The following DACH2 variants were observed in gnomAD, a reference collection of about 807,000 sequenced individuals.
The protein encoded by DACH2 is dachshund homolog 2.
In DACH2, 17 loss-of-function variants were observed where a neutral mutation model predicts 35.8. The observed-to-expected ratio is 0.48, with a 90% CI of 0.33 to 0.71. DACH2 has a LOEUF of 0.71. DACH2 is among the 30% of genes least tolerant of loss of function. The pLI, the probability that DACH2 is intolerant of heterozygous loss-of-function variation, is 0.02. For synonymous variants in DACH2, 195 were observed against 177.3 expected (o/e 1.10, Z -0.79); for missense variants, 469 against 472.7 (o/e 0.99, Z 0.07).
chrX:86,527,436 G>C (rs1167497455), intron 3 of DACH2, among the ~76,000 whole-genome samples: 1 of 111,957 alleles, frequency 8.9e-6, no homozygotes, highest in Non-Finnish European at 1.9e-5. Context: ...TATATAAAGA[G>C]ATTATGTAGA....
rs1556420300 is a variant in DACH2, at chrX:86,827,419, C to G, written c.1751-4687C>G. On this transcript the variant is annotated intron_variant, in intron 11 of 11. Transcript: ENST00000373125. Reference sequence around the variant, plus strand: ...AGAACATGCACAAGGGGCTCATAAGCATATTTTAGAGTTAGGGAATATCAT... The same window carrying G: ...AGAACATGCACAAGGGGCTCATAAGGATATTTTAGAGTTAGGGAATATCAT... Among the ~76,000 whole-genome samples, 3 of 111,322 alleles carry G rather than the reference C, an allele frequency of 2.7e-5. No homozygotes were observed. The South Asian group carries it at 1.1e-3, about 41-fold the overall frequency.
At chrX:86,518,349 T>G (rs2038502456) in intron 3 of DACH2, among the ~76,000 whole-genome samples, 1 of 111,909 alleles carries the variant, frequency 8.9e-6, no homozygotes, top group African/African-American at 3.3e-5. Context: ...AGCTTTGTTC[T>G]TTTTGCTTAT....
intron 3 of DACH2, among the ~76,000 whole-genome samples, chrX:86,535,660 T>C (rs547956243): frequency 4.5e-5 from 5 of 110,374 alleles, no homozygotes; most frequent in African/African-American, 1.6e-4. Flanking sequence ...CGCCAAAGTA[T>C]TGGTGTGGTG....
chrX:86,302,474 C>A (rs1033468697), intron 1 of DACH2, among the ~76,000 whole-genome samples: 7 of 111,204 alleles, frequency 6.3e-5, no homozygotes, highest in Middle Eastern at 9.4e-3. Context: ...GTGATTTGCC[C>A]ATTCTTTTTA....
chrX:86,170,817 A>C (rs2031101918), intron 1 of DACH2, among the ~76,000 whole-genome samples: 1 of 112,466 alleles, frequency 8.9e-6, no homozygotes, highest in African/African-American at 3.2e-5. Flanking sequence ...ACATGTGCCC[A>C]AGGTGATAAG....
At chrX:86,165,441 C>T (rs368962031) in intron 1 of DACH2, among the ~76,000 whole-genome samples, 4 of 111,274 alleles carry the variant, frequency 3.6e-5, no homozygotes, top group Non-Finnish European at 5.7e-5. Flanking sequence ...TTTACATTTC[C>T]GCCAACAATG....
At chrX:86,198,107 A>C (rs1182031894) in intron 1 of DACH2, among the ~76,000 whole-genome samples, 1 of 112,138 alleles carries the variant, frequency 8.9e-6, no homozygotes, top group East Asian at 2.8e-4. Context: ...AAGACTAAGA[A>C]ATTCACTCAA....
rs760859461 is a variant in DACH2, at chrX:86,518,828, A to T, written c.640+4437A>T. Among the ~76,000 whole-genome samples the T allele has an allele frequency of 2.1e-4, 24 of 112,198 alleles. No individual in the cohort carries two copies. In the South Asian group the frequency reaches 2.2e-3, roughly 10 times the overall value. On this transcript the variant is annotated intron_variant, in intron 3 of 11. Coordinates refer to ENST00000373125, the MANE Select transcript of DACH2 (RefSeq NM_053281.3). ...AATGGAGTTTTCTAGATACAAAATC[A>T]TGTCACCTGCAAATGGAGATATATC...
At chrX:86,618,050 G>A (rs1005159278) in intron 3 of DACH2, among the ~76,000 whole-genome samples, 2 of 111,763 alleles carry the variant, frequency 1.8e-5, no homozygotes, top group Admixed American at 9.5e-5. Context: ...CTGAGGTGGG[G>A]GCATTGCTTG....
At chrX:86,177,280 T>C (rs1366683151) in intron 1 of DACH2, among the ~76,000 whole-genome samples, 3 of 112,168 alleles carry the variant, frequency 2.7e-5, no homozygotes, top group Non-Finnish European at 3.8e-5. Context: ...CCTTTACTCA[T>C]AGATGCTTCA....
At chrX:86,287,403 C>A (rs2034175090) in intron 1 of DACH2, among the ~76,000 whole-genome samples, 1 of 111,430 alleles carries the variant, frequency 9.0e-6, no homozygotes, top group Admixed American at 9.6e-5. Context: ...CTATAACCTT[C>A]CTGTACATCG....
rs751376317 is a variant in DACH2 at position 86,751,207 on chromosome X, A to C, written c.1240+11325A>C. ...CCTCAAGCCAATATCCTTGATAAAC[A>C]TCAAGGCAAAAGTTCTTAACAAAAT... On this transcript the variant is annotated intron_variant, in intron 7 of 11. Coordinates refer to ENST00000373125, the MANE Select transcript of DACH2 (RefSeq NM_053281.3). Among the ~76,000 whole-genome samples the C allele has an allele frequency of 2.7e-5, 3 of 111,288 alleles. No homozygotes were observed. In the Admixed American group the frequency reaches 2.9e-4, roughly 11 times the overall value.
In DACH2 at chrX:86,827,560, C is replaced by T. The variant is rs779176239; in HGVS notation, c.1751-4546C>T. On this transcript the variant is annotated intron_variant, in intron 11 of 11. Coordinates refer to ENST00000373125, the MANE Select transcript of DACH2 (RefSeq NM_053281.3). ...TAATTTCATTTTTAATAAAATGAGA[C>T]TCATATAAATGAATATTTGATTAAG... is the stretch of plus-strand genomic sequence containing the variant. Among the ~76,000 whole-genome samples the T allele has an allele frequency of 3.1e-3, 347 of 111,492 alleles. 2 individuals carry two copies. The highest frequency in any genetic ancestry group is 4.8e-3 in the Non-Finnish European group (257 of 53,060).
intron 5 of DACH2, among the ~76,000 whole-genome samples, chrX:86,695,704 G>C (rs1406447214): frequency 9.1e-6 from 1 of 109,391 alleles, no homozygotes; most frequent in Non-Finnish European, 1.9e-5. Context: ...ATAAAGACGG[G>C]GTTTCACCAT....
intron 1 of DACH2, among the ~76,000 whole-genome samples, chrX:86,312,760 C>G (rs2034826944): frequency 9.0e-6 from 1 of 111,701 alleles, no homozygotes; most frequent in South Asian, 3.7e-4. Flanking sequence ...TGGACTGGCT[C>G]TCCTTGCTCC....
chrX:86,755,787 T>A (rs2041822555), intron 7 of DACH2, among the ~76,000 whole-genome samples: 1 of 108,510 alleles, frequency 9.2e-6, no homozygotes, highest in African/African-American at 3.4e-5. Flanking sequence ...TTAGTAGAGA[T>A]GGGGTTTCAC....
At chrX:86,369,188 C>T (rs73631925) in intron 1 of DACH2, among the ~76,000 whole-genome samples, 3,037 of 110,434 alleles carry the variant, frequency 0.028, 117 homozygotes, top group African/African-American at 0.093. Flanking sequence ...ATATATATTG[C>T]TTTGAAAGAT....
chrX:86,438,435 A>T (rs1390252891), intron 2 of DACH2, among the ~76,000 whole-genome samples: 1 of 110,504 alleles, frequency 9.0e-6, no homozygotes, highest in Non-Finnish European at 1.9e-5. Flanking sequence ...CATGTTGGCC[A>T]GGCTGGTCTT....
At chrX:86,715,535 G>GT (rs1222123884) in intron 6 of DACH2, among the ~76,000 whole-genome samples, 1 of 111,038 alleles carries the variant, frequency 9.0e-6, no homozygotes, top group African/African-American at 3.3e-5. Context: ...CAAGATTTTA[G>GT]TCAGAAACCC....
Sources: gnomAD v4.1 joint callset for allele counts (sites outside exome capture counted in the v4.1 genomes callset) on GRCh38, gnomAD v4.1.1 for gene constraint, MANE v1.5 for transcripts, NCBI Gene and HGNC (gene_info 2026-07-23, HGNC 2026-07-21) for gene names.